CSMD1: variants seen among roughly 807,000 people sequenced by gnomAD.
CSMD1 encodes CUB and sushi domain-containing protein 1.
Under a neutral mutation model 417.5 loss-of-function variants are expected in CSMD1, and 213 were observed. The observed-to-expected ratio is 0.51, with a 90% CI of 0.46 to 0.57. The LOEUF (loss-of-function observed/expected upper bound fraction) is 0.57. Among genes scored for constraint, CSMD1 ranks in the 20% least tolerant of loss-of-function variants. The pLI is 0.00. For synonymous variants in CSMD1, 2,862 were observed against 1,736.8 expected, an observed-to-expected ratio of 1.65 and a Z score of -16.11; for missense variants, 6,923 against 4,529.7, an observed-to-expected ratio of 1.53 and a Z score of -15.17.
chr8:3,849,360 C>T (rs1300351218), intron 5 of CSMD1, among the ~76,000 whole-genome samples: 1 of 152,042 alleles, frequency 6.6e-6, no homozygotes, highest in African/African-American at 2.4e-5. Flanking sequence ...GAGGTGGGGT[C>T]CACTACCCGC....
chr8:4,136,425 G>A (rs1435742938), intron 3 of CSMD1, among the ~76,000 whole-genome samples: 2 of 152,076 alleles, frequency 1.3e-5, no homozygotes, highest in African/African-American at 4.8e-5. Context: ...CATAAAACTG[G>A]TTCTCAGCAA....
chr8:3,235,164 C>G (rs1799077620), intron 26 of CSMD1, among the ~76,000 whole-genome samples: 1 of 152,064 alleles, frequency 6.6e-6, no homozygotes, highest in Non-Finnish European at 1.5e-5. Flanking sequence ...AATATCGCAA[C>G]ATTTATACAA....
intron 23 of CSMD1, among the ~76,000 whole-genome samples, chr8:3,324,865 C>A (rs1315227516): frequency 6.6e-6 from 1 of 152,090 alleles, no homozygotes; most frequent in East Asian, 1.9e-4. Flanking sequence ...GCTCAATATT[C>A]CCAATTGCCT....
At chr8:3,470,061 C>T (rs181988496) in intron 11 of CSMD1, among the ~76,000 whole-genome samples, 220 of 151,996 alleles carry the variant, frequency 1.4e-3, no homozygotes, top group African/African-American at 5.1e-3. Context: ...CAAAGTGAAC[C>T]GCCACACAGA....
chr8:3,694,043 G>A (rs1360578626), intron 7 of CSMD1, among the ~76,000 whole-genome samples: 2 of 148,574 alleles, frequency 1.3e-5, no homozygotes, highest in Non-Finnish European at 3.0e-5. Context: ...TGTTGGGTAT[G>A]TGTGTTGTGT....
rs184930049 is a variant in CSMD1, at chr8:4,702,336, A to C, written c.86-64778T>G. On this transcript the variant is annotated intron_variant, in intron 1 of 69. Coordinates refer to ENST00000635120, the MANE Select transcript of CSMD1 (RefSeq NM_033225.6). ...CCATGGGCCTCTGACTGGATTAGGA[A>C]TCTTTGCTAAACTGACCCTCCTGCT... Among the ~76,000 whole-genome samples, 676 of 152,298 alleles carry C rather than the reference A, an allele frequency of 4.4e-3. 5 individuals are homozygous for C. The highest frequency in any genetic ancestry group is 0.015 in the African/African-American group (616 of 41,566).
intron 1 of CSMD1, among the ~76,000 whole-genome samples, chr8:4,641,809 T>C (rs1358257248): frequency 6.6e-6 from 1 of 152,200 alleles, no homozygotes; most frequent in East Asian, 1.9e-4. Flanking sequence ...GTAGGGACTC[T>C]AAATTCTGTC....
chr8:3,952,681 T>C (rs950128497), intron 5 of CSMD1, among the ~76,000 whole-genome samples: 52 of 152,368 alleles, frequency 3.4e-4, no homozygotes, highest in African/African-American at 1.1e-3. Context: ...AGAGATATTA[T>C]TGTTGCACAG....
intron 2 of CSMD1, among the ~76,000 whole-genome samples, chr8:4,439,898 A>T (rs1563174703): frequency 6.6e-6 from 1 of 152,216 alleles, no homozygotes; most frequent in South Asian, 2.1e-4. Context: ...TCAACTACAC[A>T]ACAGTTAACA....
chr8:3,632,221 C>T (rs763320177), intron 7 of CSMD1, among the ~76,000 whole-genome samples: 1 of 152,152 alleles, frequency 6.6e-6, no homozygotes, highest in Non-Finnish European at 1.5e-5. Context: ...TTAGAAAATG[C>T]AATCATTTCT....
intron 3 of CSMD1, among the ~76,000 whole-genome samples, chr8:4,199,355 A>G (rs1049962096): frequency 6.6e-6 from 1 of 152,214 alleles, no homozygotes; most frequent in African/African-American, 2.4e-5. Flanking sequence ...TCTAAAGCAC[A>G]TAGATGCTTT....
chr8:3,448,889 C>G (rs567088552), intron 12 of CSMD1, among the ~76,000 whole-genome samples: 36 of 152,306 alleles, frequency 2.4e-4, no homozygotes, highest in Non-Finnish European at 5.0e-4. Context: ...TAATTCTATT[C>G]CAGAAGAAGC....
intron 1 of CSMD1, among the ~76,000 whole-genome samples, chr8:4,672,507 T>C (rs569363613): frequency 3.1e-4 from 47 of 152,298 alleles, no homozygotes; most frequent in African/African-American, 1.0e-3. Context: ...AAAAAAGCTT[T>C]AATAAGGATC....
At chr8:4,789,745 T>C (rs939643078) in intron 1 of CSMD1, among the ~76,000 whole-genome samples, 2 of 152,134 alleles carry the variant, frequency 1.3e-5, no homozygotes, top group African/African-American at 4.8e-5. Flanking sequence ...GCTCCCAACA[T>C]AGTTCATGTA....
At chr8:3,447,830 T>A (rs952844559) in intron 12 of CSMD1, among the ~76,000 whole-genome samples, 2 of 152,030 alleles carry the variant, frequency 1.3e-5, no homozygotes, top group Non-Finnish European at 2.9e-5. Flanking sequence ...CATTTTTGGG[T>A]TTGAGATGGA....
At chr8:3,989,700 A>G (rs1046221245) in intron 5 of CSMD1, among the ~76,000 whole-genome samples, 1 of 152,236 alleles carries the variant, frequency 6.6e-6, no homozygotes, top group African/African-American at 2.4e-5. Context: ...AGAGATTCGA[A>G]TCAGAAGAAC....
At chr8:4,053,804 G>A (rs1044173654) in intron 3 of CSMD1, among the ~76,000 whole-genome samples, 8 of 152,078 alleles carry the variant, frequency 5.3e-5, no homozygotes, top group Non-Finnish European at 8.8e-5. Flanking sequence ...ATGTTTAAAT[G>A]CCTAAAGCTT....
At chr8:3,555,544 C>T (rs2116814302) in intron 10 of CSMD1, among the ~76,000 whole-genome samples, 1 of 152,294 alleles carries the variant, frequency 6.6e-6, no homozygotes, top group East Asian at 1.9e-4. Flanking sequence ...GCTGGGTGAA[C>T]TTAAACGCTT....
At chr8:4,250,073 C>A (rs986243977) in intron 3 of CSMD1, among the ~76,000 whole-genome samples, 1 of 152,122 alleles carries the variant, frequency 6.6e-6, no homozygotes, top group African/African-American at 2.4e-5. Flanking sequence ...AGTGGGCTAC[C>A]CCTCTTTGCC....
Sources: allele counts gnomAD v4.1 joint callset (sites outside exome capture counted in the v4.1 genomes callset), GRCh38; gene constraint gnomAD v4.1.1; transcripts MANE v1.5; gene names NCBI Gene and HGNC (gene_info 2026-07-23, HGNC 2026-07-21).